The following COL14A1 variants were observed in gnomAD, a reference collection of about 807,000 sequenced individuals.
The protein encoded by COL14A1 is collagen alpha-1(XIV) chain.
In COL14A1, 136 loss-of-function variants were observed where a neutral mutation model predicts 230.3. The observed-to-expected ratio is 0.59, with a 90% CI of 0.51 to 0.68. The LOEUF (loss-of-function observed/expected upper bound fraction) is 0.68, where lower values mean the gene tolerates loss of function less well. Ranked by LOEUF, COL14A1 falls within the 30% of genes least tolerant of loss-of-function variation. COL14A1 has a pLI of 0.00. For missense variants in COL14A1, 1,976 were observed against 2,215.8 expected, an observed-to-expected ratio of 0.89 and a Z score of 2.17; for synonymous variants, 792 against 784.1, an observed-to-expected ratio of 1.01 and a Z score of -0.17.
rs1554606076 is a variant in COL14A1 at position 120,200,767 on chromosome 8, T to TATATATA, written c.877+1203_877+1204insATATAAT. ...TATATATATATATATATATATATAT[T>TATATATA]ATTTTTCATCAGAGGAGGTTTCTGA... On this transcript the variant is annotated intron_variant, in intron 8 of 47. Coordinates refer to ENST00000297848, the MANE Select transcript of COL14A1 (RefSeq NM_021110.4). 1.9e-4 allele frequency among the ~76,000 whole-genome samples: 20 copies of TATATATA among 104,220 alleles called. 1 individual carries two copies. The highest frequency in any genetic ancestry group is 2.8e-4 in the Non-Finnish European group (13 of 46,916). 68.4% of individuals were successfully genotyped at this position (104,220 alleles called of 152,430 possible). A position where few individuals can be genotyped will look rare whatever the true frequency, so the allele number is the denominator to read the frequency against.
Position 120,286,514 on chromosome 8 carries a change from A to T in COL14A1, c.4077+544A>T, listed in dbSNP as rs111898132. 1.2e-3 allele frequency among the ~76,000 whole-genome samples: 186 copies of T among 152,024 alleles called. 1 individual carries two copies. The highest frequency in any genetic ancestry group is 3.6e-3 in the African/African-American group (148 of 41,504). On this transcript the variant is annotated intron_variant, in intron 33 of 47. Coordinates refer to ENST00000297848, the MANE Select transcript of COL14A1 (RefSeq NM_021110.4). The stretch of plus-strand genomic sequence containing the variant: ...ATTTAATTTAATTTATTTATTTATT[A>T]ATTTATTTATTTTGAGATGGAGTCT...
At chr8:120,231,318 C>T (rs1818260297) in intron 18 of COL14A1, 149 bp from the exon 19 acceptor site, 1 of 763,204 alleles carries the variant, frequency 1.3e-6, no homozygotes, top group Non-Finnish European at 2.1e-6. Flanking sequence ...CCATTAAGCA[C>T]CATAGCTGAG....
chr8:120,203,810 G>A lies in COL14A1; in HGVS notation c.979G>A (p.Val327Met), dbSNP rs1178032313. Reference protein sequence around the residue: ...VAEFDLMHTVVESLTRTLCSR... With the variant: ...VAEFDLMHTVMESLTRTLCSR... ...CGAATTCGATCTGATGCACACAGTT[G>A]TGGAGAGTCTGACCAGGACTCTCTG... Residue 327 changes from valine to methionine, a missense_variant, in exon 9 of 48, where the codon GTG (valine) becomes ATG (methionine). Around this residue, in one of 3 missense-constraint regions of COL14A1, gnomAD observed 1,791 missense variants for 2,019.5 expected, o/e 0.89. Transcript: ENST00000297848. 1 of 1,613,988 alleles carries A rather than the reference G, an allele frequency of 6.2e-7. No homozygotes were observed. Among genetic ancestry groups the A allele is most frequent in the South Asian group, 1.1e-5 (1 of 91,072 alleles).
At chr8:120,346,917 T>A (rs960361734) in intron 45 of COL14A1, among the ~76,000 whole-genome samples, 1 of 152,220 alleles carries the variant, frequency 6.6e-6, no homozygotes, top group Non-Finnish European at 1.5e-5. Flanking sequence ...CAGTTCTGAT[T>A]TTTCTTTCTG....
chr8:120,208,191 G>C, intron 10 of COL14A1, 41 bp from the exon 11 acceptor site: 1 of 1,533,986 alleles, frequency 6.5e-7, no homozygotes. Flanking sequence ...CTGCGTGTAA[G>C]ATATTCCATA....
chr8:120,349,091 C>T (rs993187240), intron 45 of COL14A1, among the ~76,000 whole-genome samples: 5 of 152,182 alleles, frequency 3.3e-5, no homozygotes, highest in African/African-American at 1.2e-4. Context: ...TGACCCCGAG[C>T]AGGCTAACTG....
At chr8:120,255,961 C>T (rs574718942) in intron 23 of COL14A1, among the ~76,000 whole-genome samples, 4 of 151,840 alleles carry the variant, frequency 2.6e-5, no homozygotes, top group Admixed American at 2.0e-4. Context: ...TTAAAAATAT[C>T]GAGAACAACA....
At chr8:120,168,311 T>C (rs1375809393) in intron 5 of COL14A1, 64 bp downstream of exon 5, 3 of 1,179,232 alleles carry the variant, frequency 2.5e-6, no homozygotes, top group African/African-American at 3.1e-5. Flanking sequence ...CAGGCAATAC[T>C]CACATGTGGG....
At chr8:120,321,596 T>G (rs778050660) in intron 40 of COL14A1, among the ~76,000 whole-genome samples, 31 of 150,460 alleles carry the variant, frequency 2.1e-4, no homozygotes, top group Admixed American at 2.7e-4. Flanking sequence ...TGAGCCGAGA[T>G]CGCACCACTG....
At chr8:120,198,249 C>T (rs538964018) in intron 7 of COL14A1, among the ~76,000 whole-genome samples, 60 of 152,222 alleles carry the variant, frequency 3.9e-4, no homozygotes, top group African/African-American at 1.3e-3. Context: ...CTGCCATCCT[C>T]CACCCTGTTA....
chr8:120,295,603 G>A (rs1820503035), intron 34 of COL14A1, among the ~76,000 whole-genome samples: 2 of 151,712 alleles, frequency 1.3e-5, no homozygotes, highest in Non-Finnish European at 1.5e-5. Flanking sequence ...TTATATTTCT[G>A]TCCTCAATAC....
chr8:120,264,074 G>A (rs1819430720), intron 24 of COL14A1, among the ~76,000 whole-genome samples: 1 of 151,972 alleles, frequency 6.6e-6, no homozygotes, highest in Non-Finnish European at 1.5e-5. Flanking sequence ...TCCAATTTCA[G>A]GACGTTTCCA....
At chr8:120,224,173 C>T (rs1022087631) in intron 14 of COL14A1, among the ~76,000 whole-genome samples, 13 of 151,750 alleles carry the variant, frequency 8.6e-5, no homozygotes, top group East Asian at 3.9e-4. Context: ...ATTGCAGGTG[C>T]GCACCACAAC....
Position 120,158,210 on chromosome 8 carries a change from T to G in COL14A1, c.169T>G (p.Phe57Val), listed in dbSNP as rs1815545676. ...TTCATGGAAGGCTCCAAGAGGGAAA[T>G]TTGGTGGTTACAAACTTCTTGTGAC... ...QISWKAPRGKFGGYKLLVTPT... is the reference protein window; with the variant it reads ...QISWKAPRGKVGGYKLLVTPT... Residue 57 changes from phenylalanine (F) to valine (V), a missense_variant, in exon 3 of 48, where the codon TTT becomes GTT. Around this residue, in one of 3 missense-constraint regions of COL14A1, gnomAD observed 181 missense variants for 178.6 expected, o/e 1.01. Coordinates refer to ENST00000297848, the MANE Select transcript of COL14A1 (RefSeq NM_021110.4). 1 of 1,609,274 alleles carries G rather than the reference T, an allele frequency of 6.2e-7. No homozygotes were observed. The highest frequency in any genetic ancestry group is 8.5e-7 in the Non-Finnish European group (1 of 1,176,418).
intron 46 of COL14A1, 48 bp downstream of exon 46, chr8:120,367,296 T>C (rs1406485880): frequency 6.8e-7 from 1 of 1,462,590 alleles, no homozygotes; most frequent in Non-Finnish European, 9.5e-7. Flanking sequence ...ATTTTTATAT[T>C]CACTTGGCAT....
intron 26 of COL14A1, among the ~76,000 whole-genome samples, chr8:120,272,814 C>T (rs1165728778): frequency 6.6e-6 from 1 of 151,422 alleles, no homozygotes; most frequent in African/African-American, 2.4e-5. Flanking sequence ...ACTGCTAGAC[C>T]TAAGAAGTAA....
chr8:120,208,617 A>ACT (rs1292700366), intron 11 of COL14A1, among the ~76,000 whole-genome samples: 1 of 152,174 alleles, frequency 6.6e-6, no homozygotes. Flanking sequence ...AGTACAAAAA[A>ACT]CATTCATTCA....
chr8:120,216,989 AC>A (rs1469697963), intron 14 of COL14A1, among the ~76,000 whole-genome samples: 3 of 152,182 alleles, frequency 2.0e-5, no homozygotes, highest in Non-Finnish European at 4.4e-5. Context: ...CACCAGCTTC[AC>A]CCAGATTTAT....
At chr8:120,263,110 A>C in intron 24 of COL14A1, 96 bp downstream of exon 24, 1 of 1,331,610 alleles carries the variant, frequency 7.5e-7, no homozygotes, top group Non-Finnish European at 1.0e-6. Context: ...AATATTAGCT[A>C]TTGCTGTTCA....
Sources: gnomAD v4.1 joint callset for allele counts (sites outside exome capture counted in the v4.1 genomes callset) on GRCh38, gnomAD v4.1.1 for gene constraint, gnomAD v4.1.1 regional missense constraint, MANE v1.5 for transcripts, NCBI Gene and HGNC (gene_info 2026-07-23, HGNC 2026-07-21) for gene names.